Variants in CRMP1 observed in about 807,000 individuals in gnomAD.
CRMP1 encodes collapsin response mediator protein 1.
A neutral mutation model predicts 68.3 loss-of-function variants in CRMP1; 19 were observed. The observed-to-expected ratio is 0.28, with a 90% CI of 0.19 to 0.41. The LOEUF (loss-of-function observed/expected upper bound fraction) is 0.41. Among genes scored for constraint, CRMP1 ranks in the 10% least tolerant of loss-of-function variants. CRMP1 has a pLI of 1.00. For missense variants in CRMP1, 791 were observed against 967.4 expected (o/e 0.82, Z 2.42); for synonymous variants, 439 against 399.6 (o/e 1.10, Z -1.18).
rs1239950886 is a variant in CRMP1 at position 5,855,727 on chromosome 4, T to C, written c.820+416A>G. 6.6e-6 allele frequency among the ~76,000 whole-genome samples: 1 copy of C among 151,930 alleles called. No individual in the cohort carries two copies. Among genetic ancestry groups the C allele is most frequent in the East Asian group, 1.9e-4 (1 of 5,182 alleles). On this transcript the variant is annotated intron_variant, in intron 4 of 13. Transcript: ENST00000324989. The surrounding 1 kb of genome is among the most constrained non-coding windows in gnomAD (Gnocchi z 4.9). ...GCAATGGGAGAAGGTAATGGTTGAG[T>C]TGGGTCTTGAAGGTGAGTAGCACTG...
rs1303962335 is a variant in CRMP1 at position 5,825,597 on chromosome 4, A to G, written c.1866T>C (p.Ala622=). The G allele has an allele frequency of 6.2e-7, 1 of 1,604,186 alleles. No individual in the cohort carries two copies. Among genetic ancestry groups the G allele is most frequent in the Non-Finnish European group, 8.5e-7 (1 of 1,176,936 alleles). ...MYDGPVYEVP[A]TPKYATPAPS... is the part of the protein sequence containing the mutation. ...GAGCGGGAGTTGCATATTTGGGTGT[A>G]GCTGGTACCTCGTACACAGGACCGT... Residue 622 remains alanine (A), a synonymous_variant, in exon 13 of 14, where the codon GCT becomes GCC. Transcript: ENST00000324989. This position sits in a 1 kb window ranked among gnomAD's most constrained non-coding sequence, Gnocchi z 4.4.
At position 5,890,744 on chromosome 4, in the gene CRMP1, G is replaced by A. The variant is rs533435541; in HGVS notation, c.381+1845C>T. On this transcript the variant is annotated intron_variant, in intron 1 of 13. Coordinates refer to ENST00000324989, the MANE Select transcript of CRMP1 (RefSeq NM_001014809.3). The surrounding 1 kb of genome is among the most constrained non-coding windows in gnomAD (Gnocchi z 5.5). ...AAGCGACCAGCGTCCCCAAGGGTCA[G>A]GGCGCAGCTGCGGGGCTGGCCCAGG... is the stretch of plus-strand genomic sequence containing the variant. Among the ~76,000 whole-genome samples, 1 of 152,194 alleles carries A rather than the reference G, an allele frequency of 6.6e-6. No individual in the cohort carries two copies. The highest frequency in any genetic ancestry group is 2.1e-4 in the South Asian group (1 of 4,838).
chr4:5,884,003 G>A (rs1369061943), intron 1 of CRMP1, among the ~76,000 whole-genome samples: 1 of 152,182 alleles, frequency 6.6e-6, no homozygotes, highest in Non-Finnish European at 1.5e-5. Flanking sequence ...TCATGACCTT[G>A]ACATCATGGA....
intron 13 of CRMP1, among the ~76,000 whole-genome samples, chr4:5,822,629 T>G (rs1028003345): frequency 1.3e-5 from 2 of 152,092 alleles, no homozygotes; most frequent in Admixed American, 6.5e-5. Context: ...CAACAAATAT[T>G]TATTAAATGA....
At chr4:5,863,992 G>C (rs531147887) in intron 2 of CRMP1, among the ~76,000 whole-genome samples, 9 of 152,294 alleles carry the variant, frequency 5.9e-5, no homozygotes, top group Non-Finnish European at 1.2e-4. Flanking sequence ...TCTCAGCAAC[G>C]GGTTCAAGTA....
rs1718644936 is a variant in CRMP1, at chr4:5,821,909, C to T, written c.1970-58G>A. ...ATCTGTTAGCATCAGTTCCACGCTG[C>T]TCCTGGAGGCCATGTACTCTGCCAT... On this transcript the variant is annotated intron_variant, in intron 13 of 13. Coordinates refer to ENST00000324989, the MANE Select transcript of CRMP1 (RefSeq NM_001014809.3). This position sits in a 1 kb window ranked among gnomAD's most constrained non-coding sequence, Gnocchi z 4.4. The T allele has an allele frequency of 7.6e-7, 1 of 1,317,312 alleles. No individual in the cohort carries two copies. Among genetic ancestry groups the T allele is most frequent in the Admixed American group, 2.1e-5 (1 of 47,252 alleles). 81.6% of individuals were successfully genotyped at this position (1,317,312 alleles called of 1,614,324 possible). A position where few individuals can be genotyped will look rare whatever the true frequency, so the allele number is the denominator to read the frequency against.
At chr4:5,847,206 G>C in intron 6 of CRMP1, among the ~76,000 whole-genome samples, 1 of 152,176 alleles carries the variant, frequency 6.6e-6, no homozygotes, top group African/African-American at 2.4e-5. Context: ...TGTATATCAG[G>C]AGGGTCAGGG....
chr4:5,824,604 C>A (rs903975204), intron 13 of CRMP1: 2 of 950,778 alleles, frequency 2.1e-6, no homozygotes, highest in African/African-American at 3.5e-5. Context: ...TGTTTCTGTA[C>A]GATCCATGAC....
At chr4:5,827,497 A>G (rs1719824224) in intron 12 of CRMP1, among the ~76,000 whole-genome samples, 1 of 152,178 alleles carries the variant, frequency 6.6e-6, no homozygotes, top group South Asian at 2.1e-4. Context: ...CTGGGAATGC[A>G]GGAAGGTCTC....
rs774910684 is a variant in CRMP1 at position 5,856,158 on chromosome 4, G to A, written c.805C>T (p.Leu269=). The change falls in exon 4 of 14, where the codon CTG becomes TTG. Residue 269 remains leucine (L), a synonymous_variant. Transcript: ENST00000324989. ...TTTAACTGACCTTTGTCCTGCACCA[G>A]CACCTCCAGCTCCTCCCGAACGCCA... is the stretch of plus-strand genomic sequence containing the variant. ...YDGVREELEV[L]VQDKGVNSFQ... is the part of the protein sequence containing the mutation. 5 of 1,613,814 alleles carry A rather than the reference G, an allele frequency of 3.1e-6. No individual in the cohort carries two copies. In the African/African-American group the frequency reaches 6.7e-5, roughly 22 times the overall value.
intron 6 of CRMP1, among the ~76,000 whole-genome samples, chr4:5,847,194 G>A (rs907147262): frequency 1.3e-5 from 2 of 152,162 alleles, no homozygotes; most frequent in Non-Finnish European, 2.9e-5. Flanking sequence ...ACCACTGCAT[G>A]TTGTATATCA....
At chr4:5,868,891 C>G (rs892549762) in intron 1 of CRMP1, among the ~76,000 whole-genome samples, 1 of 152,138 alleles carries the variant, frequency 6.6e-6, no homozygotes, top group African/African-American at 2.4e-5. Context: ...ATGCCCCATT[C>G]TTTGCACGAA....
intron 1 of CRMP1, among the ~76,000 whole-genome samples, chr4:5,869,403 C>T (rs1303320513): frequency 6.6e-6 from 1 of 152,130 alleles, no homozygotes; most frequent in African/African-American, 2.4e-5. Flanking sequence ...GTAAACTGGG[C>T]CAGGTGTGGT....
rs1341523060 is a variant in CRMP1, at chr4:5,890,784, A to C, written c.381+1805T>G. 6.6e-6 allele frequency among the ~76,000 whole-genome samples: 1 copy of C among 152,012 alleles called. No homozygotes were observed. The highest frequency in any genetic ancestry group is 2.4e-5 in the African/African-American group (1 of 41,402). ...GCTGGCCCAGGCTGCGCCCTGGGGG[A>C]GATGCTGGCGTTGGTGACATTGACC... On this transcript the variant is annotated intron_variant, in intron 1 of 13. Coordinates refer to ENST00000324989, the MANE Select transcript of CRMP1 (RefSeq NM_001014809.3). This position sits in a 1 kb window ranked among gnomAD's most constrained non-coding sequence, Gnocchi z 5.5.
Position 5,888,394 on chromosome 4 carries a change from G to A in CRMP1, c.381+4195C>T. On this transcript the variant is annotated intron_variant, in intron 1 of 13. Transcript: ENST00000324989. This position sits in a 1 kb window ranked among gnomAD's most constrained non-coding sequence, Gnocchi z 6.4. ...GGGAGGGATAGAGACACGGACGGAG[G>A]CTCGGCGCCCGTGGATGCCCACGCG... The A allele has an allele frequency of 8.2e-7, 1 of 1,221,468 alleles. No homozygotes were observed. The highest frequency in any genetic ancestry group is 1.0e-6 in the Non-Finnish European group (1 of 980,540). The allele number at this position is 1,221,468 out of a possible 1,614,324, so 75.7% of individuals were successfully genotyped here. A position where few individuals can be genotyped will look rare whatever the true frequency, so the allele number is the denominator to read the frequency against.
rs1319257645 is a variant in CRMP1 at position 5,861,614 on chromosome 4, A to C, written c.471-404T>G. On this transcript the variant is annotated intron_variant, in intron 2 of 13. Transcript: ENST00000324989. This position sits in a 1 kb window ranked among gnomAD's most constrained non-coding sequence, Gnocchi z 6.0. Reference sequence around the variant, plus strand: ...AACTTCCTCCAGGAGGTTAAATTCCAAATGGGGAAGGAGGGAAAAGAGCCT... The same window carrying C: ...AACTTCCTCCAGGAGGTTAAATTCCCAATGGGGAAGGAGGGAAAAGAGCCT... Among the ~76,000 whole-genome samples the C allele has an allele frequency of 6.6e-6, 1 of 152,138 alleles. No homozygotes were observed.
rs1718418133 is a variant in CRMP1, at chr4:5,820,882, A to G, written c.*878T>C. 6.6e-6 allele frequency: 1 copy of G among 152,066 alleles called. No homozygotes were observed. Among genetic ancestry groups the G allele is most frequent in the Admixed American group, 6.5e-5 (1 of 15,272 alleles). The allele number at this position is 152,066 out of a possible 1,614,324, so 9.4% of individuals were successfully genotyped here. On this transcript the variant is annotated 3_prime_UTR_variant, in exon 14 of 14. Transcript: ENST00000324989. ...TTAAGTAAAAATGGGAGTGATTACA[A>G]AGGAAAACTTTGTACAAAACTTTAA...
Position 5,865,396 on chromosome 4 carries a change from C to T in CRMP1, c.470+1272G>A, listed in dbSNP as rs886998161. On this transcript the variant is annotated intron_variant, in intron 2 of 13. Transcript: ENST00000324989. The surrounding 1 kb of genome is among the most constrained non-coding windows in gnomAD (Gnocchi z 4.1). Reference sequence around the variant, plus strand: ...CAGCACTTTGGGAGGCCGAGGCGAGCGGATCACGAGGTCAGGAGATCGAGA... The same window carrying T: ...CAGCACTTTGGGAGGCCGAGGCGAGTGGATCACGAGGTCAGGAGATCGAGA... 4.7e-4 allele frequency among the ~76,000 whole-genome samples: 71 copies of T among 152,066 alleles called. No individual in the cohort carries two copies. Among genetic ancestry groups the T allele is most frequent in the Non-Finnish European group, 8.5e-4 (58 of 67,984 alleles).
rs538177317 is a variant in CRMP1 at position 5,839,498 on chromosome 4, G to C, written c.1310+24C>G. The stretch of plus-strand genomic sequence containing the variant: ...CCAAAGGCCCCAGCTGCCTCCCCCA[G>C]CCCCACGTTCTCACAGGTCTCACCA... On this transcript the variant is annotated intron_variant, in intron 9 of 13. Coordinates refer to ENST00000324989, the MANE Select transcript of CRMP1 (RefSeq NM_001014809.3). 3.8e-6 allele frequency: 6 copies of C among 1,589,942 alleles called. No homozygotes were observed. In the South Asian group the frequency reaches 6.9e-5, roughly 18 times the overall value.
Sources: allele counts gnomAD v4.1 joint callset (sites outside exome capture counted in the v4.1 genomes callset), GRCh38; gene constraint gnomAD v4.1.1; non-coding constraint Gnocchi (gnomAD v3.1); transcripts MANE v1.5; gene names NCBI Gene and HGNC (gene_info 2026-07-23, HGNC 2026-07-21).